Variants in PTPRK observed in about 807,000 individuals in gnomAD.
PTPRK encodes the protein receptor-type tyrosine-protein phosphatase kappa.
A neutral mutation model predicts 178.0 loss-of-function variants in PTPRK; 75 were observed. That is an observed-to-expected ratio of 0.42 (90% confidence interval 0.35 to 0.51). PTPRK has a LOEUF of 0.51. Among genes scored for constraint, PTPRK ranks in the 20% least tolerant of loss-of-function variants. The probability of loss-of-function intolerance (pLI) is 0.02; values close to 1 mark genes in which losing one functional copy is unlikely to be tolerated. For missense variants in PTPRK, 1,441 were observed against 1,797.8 expected, an observed-to-expected ratio of 0.80 and a Z score of 3.59; for synonymous variants, 637 against 620.6, an observed-to-expected ratio of 1.03 and a Z score of -0.39.
At chr6:128,173,604 C>T (rs1583325766) in intron 7 of PTPRK, among the ~76,000 whole-genome samples, 1 of 152,048 alleles carries the variant, frequency 6.6e-6, no homozygotes, top group Middle Eastern at 3.4e-3. Context: ...AGAGATTTGC[C>T]TTCTAAAACT....
intron 1 of PTPRK, among the ~76,000 whole-genome samples, chr6:128,438,763 C>G (rs1026607100): frequency 1.3e-5 from 2 of 152,148 alleles, no homozygotes; most frequent in African/African-American, 4.8e-5. Flanking sequence ...AATACAGTAC[C>G]ACTACTTAAG....
rs570985071 is a variant in PTPRK, at chr6:128,100,545, T to C, written c.1163-10553A>G. The stretch of plus-strand genomic sequence containing the variant: ...CTGAAACATTAGGGGAGCCTAATAT[T>C]TTCCAGTGTCAAAATCTCACCTTTC... On this transcript the variant is annotated intron_variant, in intron 7 of 29. Coordinates refer to ENST00000368226, the MANE Select transcript of PTPRK (RefSeq NM_002844.4). Among the ~76,000 whole-genome samples, 1,028 of 152,072 alleles carry C rather than the reference T, an allele frequency of 6.8e-3. 8 individuals are homozygous for C. The highest frequency in any genetic ancestry group is 0.024 in the Middle Eastern group (7 of 294).
At chr6:128,406,389 A>G (rs1166625293) in intron 1 of PTPRK, among the ~76,000 whole-genome samples, 1 of 152,162 alleles carries the variant, frequency 6.6e-6, no homozygotes, top group Non-Finnish European at 1.5e-5. Context: ...GGGTTTTTCA[A>G]ACTTCTTAAA....
At chr6:128,206,680 G>A (rs1807035782) in intron 6 of PTPRK, among the ~76,000 whole-genome samples, 1 of 151,964 alleles carries the variant, frequency 6.6e-6, no homozygotes, top group African/African-American at 2.4e-5. Context: ...AATACCATAG[G>A]CACAAAATGA....
intron 6 of PTPRK, among the ~76,000 whole-genome samples, chr6:128,191,341 T>A (rs1803751122): frequency 6.6e-6 from 1 of 151,946 alleles, no homozygotes; most frequent in African/African-American, 2.4e-5. Flanking sequence ...ATATGTGAAA[T>A]CTAAAAAGCT....
chr6:128,044,863 G>A (rs992025355), intron 13 of PTPRK, among the ~76,000 whole-genome samples: 1 of 151,790 alleles, frequency 6.6e-6, no homozygotes, highest in South Asian at 2.1e-4. Flanking sequence ...TATACATATA[G>A]TTGGTTTCCC....
At chr6:127,998,648 G>GAA in intron 16 of PTPRK, 72 bp downstream of exon 16, 1 of 1,327,258 alleles carries the variant, frequency 7.5e-7, no homozygotes. Flanking sequence ...TAAAGAGAGG[G>GAA]AAAAAAATGC....
At chr6:128,369,827 T>C (rs1397351530) in intron 2 of PTPRK, among the ~76,000 whole-genome samples, 4 of 152,090 alleles carry the variant, frequency 2.6e-5, no homozygotes, top group Non-Finnish European at 5.9e-5. Flanking sequence ...ATTCCAGAAC[T>C]GAGCACTTTG....
At chr6:128,046,934 T>C (rs994970265) in intron 13 of PTPRK, among the ~76,000 whole-genome samples, 3 of 152,200 alleles carry the variant, frequency 2.0e-5, no homozygotes, top group African/African-American at 7.2e-5. Flanking sequence ...TATTTTTGAA[T>C]GTCTGTCACT....
intron 3 of PTPRK, among the ~76,000 whole-genome samples, chr6:128,303,909 T>A (rs1157223290): frequency 6.6e-6 from 1 of 152,218 alleles, no homozygotes; most frequent in South Asian, 2.1e-4. Flanking sequence ...TCTAGATACC[T>A]GTTGAAACAA....
At chr6:128,160,837 C>T (rs1798607018) in intron 7 of PTPRK, among the ~76,000 whole-genome samples, 1 of 151,530 alleles carries the variant, frequency 6.6e-6, no homozygotes, top group African/African-American at 2.4e-5. Flanking sequence ...AAACATGTTA[C>T]AAGATGAACT....
At position 128,081,223 on chromosome 6, in the gene PTPRK, A is replaced by T. The variant is rs115505616; in HGVS notation, c.1777+1214T>A. ...TTATTTTCTGGTAAAGTGATTCAAT[A>T]CATATTTTAAATTCATGATTTGTAA... On this transcript the variant is annotated intron_variant, in intron 10 of 29. Coordinates refer to ENST00000368226, the MANE Select transcript of PTPRK (RefSeq NM_002844.4). Among the ~76,000 whole-genome samples the T allele has an allele frequency of 5.5e-3, 831 of 152,204 alleles. 14 individuals carry two copies. The highest frequency in any genetic ancestry group is 0.019 in the African/African-American group (788 of 41,570).
At chr6:128,330,952 C>G (rs1411765299) in intron 2 of PTPRK, among the ~76,000 whole-genome samples, 1 of 152,112 alleles carries the variant, frequency 6.6e-6, no homozygotes, top group Non-Finnish European at 1.5e-5. Flanking sequence ...CTGGACCTTC[C>G]TCTGTTTGAA....
chr6:128,359,740 G>A lies in PTPRK; in HGVS notation c.224-37430C>T, dbSNP rs531485000. On this transcript the variant is annotated intron_variant, in intron 2 of 29. Transcript: ENST00000368226. ...GCACTCCAGCTTGGGCAACAAGAGC[G>A]AAACTCGGTCTCAAAAATAAAAAAA... Among the ~76,000 whole-genome samples the A allele has an allele frequency of 1.8e-3, 271 of 151,548 alleles. 1 individual carries two copies. Among genetic ancestry groups the A allele is most frequent in the Non-Finnish European group, 3.0e-3 (207 of 67,886 alleles).
chr6:128,348,547 C>A lies in PTPRK; in HGVS notation c.224-26237G>T, dbSNP rs1584290206. Among the ~76,000 whole-genome samples the A allele has an allele frequency of 3.9e-5, 6 of 152,030 alleles. No individual in the cohort carries two copies. In the South Asian group the frequency reaches 1.0e-3, roughly 26 times the overall value. On this transcript the variant is annotated intron_variant, in intron 2 of 29. Coordinates refer to ENST00000368226, the MANE Select transcript of PTPRK (RefSeq NM_002844.4). ...GGTGAATATTAAAGCCATAAGTTTA[C>A]AAAATTTTCTGTAAGAATGACAATC...
intron 1 of PTPRK, among the ~76,000 whole-genome samples, chr6:128,457,925 C>T (rs181946401): frequency 2.2e-4 from 34 of 152,192 alleles, no homozygotes; most frequent in African/African-American, 7.9e-4. Context: ...TTCCCCATTG[C>T]GGGCTAATTA....
intron 3 of PTPRK, among the ~76,000 whole-genome samples, chr6:128,311,005 TC>T (rs1288292508): frequency 6.6e-6 from 1 of 151,922 alleles, no homozygotes; most frequent in African/African-American, 2.4e-5. Flanking sequence ...AAGGGAAAGT[TC>T]CCCCGGGATC....
intron 13 of PTPRK, among the ~76,000 whole-genome samples, chr6:128,044,243 T>C (rs2114847432): frequency 6.6e-6 from 1 of 152,140 alleles, no homozygotes; most frequent in Admixed American, 6.6e-5. Context: ...CATTCTTCAT[T>C]TTATTTTCCT....
intron 3 of PTPRK, among the ~76,000 whole-genome samples, chr6:128,313,323 T>C (rs369589065): frequency 1.3e-5 from 2 of 152,176 alleles, no homozygotes; most frequent in East Asian, 1.9e-4. Flanking sequence ...AATTGTTATA[T>C]TGTCTTTATG....
Sources: allele counts gnomAD v4.1 joint callset (sites outside exome capture counted in the v4.1 genomes callset), GRCh38; gene constraint gnomAD v4.1.1; transcripts MANE v1.5; gene names NCBI Gene and HGNC (gene_info 2026-07-23, HGNC 2026-07-21).